The following BAZ2B variants were observed in gnomAD, a reference collection of about 807,000 sequenced individuals.
BAZ2B encodes bromodomain adjacent to zinc finger domain 2B, also known as bromodomain adjacent to zinc finger domain protein 2B.
A neutral mutation model predicts 246.0 loss-of-function variants in BAZ2B; 91 were observed. The ratio of observed to expected loss-of-function variants is 0.37; its 90% confidence interval spans 0.31 to 0.44. BAZ2B has a LOEUF of 0.44. Among genes scored for constraint, BAZ2B ranks in the 20% least tolerant of loss-of-function variants. The pLI is 1.00. For missense variants in BAZ2B, 2,332 were observed against 2,533.7 expected (o/e 0.92, Z 1.71); for synonymous variants, 855 against 860.0 (o/e 0.99, Z 0.10).
intron 1 of BAZ2B, chr2:159,615,543 G>A (rs988249040): frequency 1.3e-5 from 2 of 152,244 alleles, no homozygotes; most frequent in African/African-American, 4.8e-5. Flanking sequence ...ACACGGGAGA[G>A]CTAGAGGCCC....
At chr2:159,481,308 A>G (rs770498242) in intron 2 of BAZ2B, among the ~76,000 whole-genome samples, 9 of 152,046 alleles carry the variant, frequency 5.9e-5, no homozygotes, top group Non-Finnish European at 1.3e-4. Flanking sequence ...ACTGTGAAAA[A>G]TCCACAAAAC....
the BAZ2B span, among the ~76,000 whole-genome samples, chr2:159,686,425 A>G: frequency 6.6e-6 from 1 of 152,172 alleles, no homozygotes. Flanking sequence ...CCCCACTCCA[A>G]TCATGAGAAA....
the BAZ2B span, among the ~76,000 whole-genome samples, chr2:159,636,902 A>C: frequency 6.6e-6 from 1 of 152,202 alleles, no homozygotes; most frequent in East Asian, 1.9e-4. Flanking sequence ...CCCCCACTCC[A>C]GGCACTAGCT....
chr2:159,544,488 T>C (rs912420858), intron 2 of BAZ2B, among the ~76,000 whole-genome samples: 1 of 152,200 alleles, frequency 6.6e-6, no homozygotes, highest in Non-Finnish European at 1.5e-5. Flanking sequence ...ATACAGGGAA[T>C]ATATAAAGAG....
chr2:159,468,816 G>A lies in BAZ2B; in HGVS notation c.145+9759C>T, dbSNP rs139713428. Among the ~76,000 whole-genome samples the A allele has an allele frequency of 4.7e-3, 715 of 152,122 alleles. 5 individuals are homozygous for A. Among genetic ancestry groups the A allele is most frequent in the African/African-American group, 0.015 (634 of 41,518 alleles). ...TCCCAACACTTTGGGAGGCCGAGGC[G>A]GGTGGTTCACAAGTTCAGGAGTTCA... On this transcript the variant is annotated intron_variant, in intron 3 of 36. Transcript: ENST00000392783.
intron 6 of BAZ2B, among the ~76,000 whole-genome samples, chr2:159,445,838 C>T (rs1014930239): frequency 1.3e-5 from 2 of 152,110 alleles, no homozygotes; most frequent in Non-Finnish European, 2.9e-5. Context: ...GTCCCAGCCA[C>T]ATGTGGTGGT....
rs541694286 is a variant in BAZ2B, at chr2:159,362,276, C to T, written c.4213+10769G>A. ...GCCTTCAGCTGAGGTCAACACTGTT[C>T]TCAGCGTCCTCCCTATGTAGACTTT... On this transcript the variant is annotated intron_variant, in intron 27 of 36. Coordinates refer to ENST00000392783, the MANE Select transcript of BAZ2B (RefSeq NM_013450.4). Among the ~76,000 whole-genome samples, 4 of 152,318 alleles carry T rather than the reference C, an allele frequency of 2.6e-5. No homozygotes were observed. The South Asian group carries it at 8.3e-4, about 32-fold the overall frequency.
the BAZ2B span, among the ~76,000 whole-genome samples, chr2:159,627,568 C>T: frequency 6.6e-6 from 1 of 152,034 alleles, no homozygotes; most frequent in Non-Finnish European, 1.5e-5. Flanking sequence ...TGACAAAAAC[C>T]ACATGATTAT....
rs756723777 is a variant in BAZ2B, at chr2:159,364,658, C to T, written c.4213+8387G>A. 5.8e-4 allele frequency among the ~76,000 whole-genome samples: 89 copies of T among 152,288 alleles called. 1 individual carries two copies. The highest frequency in any genetic ancestry group is 1.2e-3 in the Non-Finnish European group (83 of 68,014). On this transcript the variant is annotated intron_variant, in intron 27 of 36. Coordinates refer to ENST00000392783, the MANE Select transcript of BAZ2B (RefSeq NM_013450.4). ...GTGCTGGGATTACAGGTATAAGCCACCATGCCTAGCCCTTAGTTAGACATT... is the reference window on the plus strand; with the variant it reads ...GTGCTGGGATTACAGGTATAAGCCATCATGCCTAGCCCTTAGTTAGACATT...
rs372191004 is a variant in BAZ2B, at chr2:159,476,030, T to C, written c.145+2545A>G. 3.3e-4 allele frequency among the ~76,000 whole-genome samples: 50 copies of C among 152,258 alleles called. 1 individual carries two copies. The highest frequency in any genetic ancestry group is 1.2e-3 in the African/African-American group (49 of 41,552). ...GGATACACGGGGGTCAGGGACCCAC[T>C]TGAGGAGGTAATCTGTCCCTTAGCA... On this transcript the variant is annotated intron_variant, in intron 3 of 36. Coordinates refer to ENST00000392783, the MANE Select transcript of BAZ2B (RefSeq NM_013450.4).
At chr2:159,480,836 T>G (rs1484056418) in intron 2 of BAZ2B, among the ~76,000 whole-genome samples, 1 of 152,086 alleles carries the variant, frequency 6.6e-6, no homozygotes, top group East Asian at 1.9e-4. Flanking sequence ...GTAACCATTT[T>G]CCTTAGAAGC....
intron 28 of BAZ2B, 70 bp from the exon 29 acceptor site, chr2:159,349,350 T>C (rs1184177903): frequency 7.0e-7 from 1 of 1,430,074 alleles, no homozygotes; most frequent in African/African-American, 1.4e-5. Context: ...GTTTGGAATA[T>C]GAAATTATTT....
the BAZ2B span, among the ~76,000 whole-genome samples, chr2:159,675,900 G>A: frequency 3.7e-4 from 55 of 147,286 alleles, no homozygotes; most frequent in African/African-American, 1.3e-3. Flanking sequence ...CCCTACGTTC[G>A]GCTTTTTCTT....
At chr2:159,575,105 C>T (rs1684987023) in intron 1 of BAZ2B, among the ~76,000 whole-genome samples, 1 of 152,108 alleles carries the variant, frequency 6.6e-6, no homozygotes, top group African/African-American at 2.4e-5. Flanking sequence ...TTGTATAATT[C>T]CACTTACATG....
At chr2:159,580,162 A>G (rs181930139) in intron 1 of BAZ2B, among the ~76,000 whole-genome samples, 3 of 152,336 alleles carry the variant, frequency 2.0e-5, no homozygotes, top group Admixed American at 2.0e-4. Flanking sequence ...TTTTTTATTT[A>G]GAAAACCCCA....
At chr2:159,315,887 AATGTTGTGT>A (rs2062058928), downstream of BAZ2B, among the ~76,000 whole-genome samples, 1 of 152,192 alleles carries the variant, frequency 6.6e-6, no homozygotes, top group Non-Finnish European at 1.5e-5. Context: ...TTGTAAGTAA[AATGTTGTGT>A]ATGCCTCTGA....
chr2:159,421,659 C>T (rs2068777112), intron 13 of BAZ2B, among the ~76,000 whole-genome samples: 1 of 152,056 alleles, frequency 6.6e-6, no homozygotes, highest in Admixed American at 6.6e-5. Context: ...CAATTGCTTG[C>T]TGTTAATATT....
chr2:159,393,401 A>C (rs1238568488), intron 20 of BAZ2B, among the ~76,000 whole-genome samples: 2 of 152,200 alleles, frequency 1.3e-5, no homozygotes, highest in African/African-American at 4.8e-5. Context: ...CTTTATGTAC[A>C]TATGCACTTA....
chr2:159,380,560 C>G (rs1407775552), intron 25 of BAZ2B, among the ~76,000 whole-genome samples: 6 of 152,162 alleles, frequency 3.9e-5, no homozygotes, highest in Non-Finnish European at 8.8e-5. Flanking sequence ...GGCCTTCTTA[C>G]AAGGTTGGTC....
Sources: allele counts gnomAD v4.1 joint callset (sites outside exome capture counted in the v4.1 genomes callset), GRCh38; gene constraint gnomAD v4.1.1; transcripts MANE v1.5; gene names NCBI Gene and HGNC (gene_info 2026-07-23, HGNC 2026-07-21).